RANBP2: variants seen among roughly 807,000 people sequenced by gnomAD.
RANBP2 encodes the protein RAN binding protein 2, also known as E3 SUMO-protein ligase RanBP2.
A neutral mutation model predicts 303.6 loss-of-function variants in RANBP2; 57 were observed. That is an observed-to-expected ratio of 0.19 (90% CI 0.15 to 0.23). The LOEUF is 0.23. Among genes scored for constraint, RANBP2 ranks in the 10% least tolerant of loss-of-function variants. RANBP2 has a pLI of 1.00. For synonymous variants in RANBP2, 1,167 were observed against 1,301.5 expected (o/e 0.90, Z 2.23); for missense variants, 3,138 against 3,780.8 (o/e 0.83, Z 4.46).
chr2:109,268,326 C>G, the RANBP2 span, among the ~76,000 whole-genome samples: 44 of 151,978 alleles, frequency 2.9e-4, no homozygotes, highest in Non-Finnish European at 4.6e-4. Flanking sequence ...GACCCCCTCA[C>G]CCACAAGGAC....
At chr2:108,950,790 C>A in the RANBP2 span, among the ~76,000 whole-genome samples, 2 of 152,258 alleles carry the variant, frequency 1.3e-5, no homozygotes, top group African/African-American at 4.8e-5. Flanking sequence ...TTGGAATCAA[C>A]ACTGTTGGCA....
the RANBP2 span, among the ~76,000 whole-genome samples, chr2:109,290,458 C>T: frequency 5.3e-5 from 8 of 152,250 alleles, no homozygotes; most frequent in Admixed American, 3.3e-4. Flanking sequence ...TTTCATTACC[C>T]GGAATCCTCA....
At chr2:109,227,135 G>A in the RANBP2 span, among the ~76,000 whole-genome samples, 1 of 152,116 alleles carries the variant, frequency 6.6e-6, no homozygotes, top group African/African-American at 2.4e-5. Flanking sequence ...GATTCACTCC[G>A]GCTGAGTGAA....
the RANBP2 span, among the ~76,000 whole-genome samples, chr2:109,173,806 C>T: frequency 6.6e-6 from 1 of 152,210 alleles, no homozygotes; most frequent in East Asian, 1.9e-4. Flanking sequence ...TGACCAAAGG[C>T]ATGCGATGGG....
the RANBP2 span, among the ~76,000 whole-genome samples, chr2:108,996,399 T>G: frequency 0.97 from 148,346 of 152,260 alleles, 72,387 homozygotes; most frequent in Middle Eastern, 1. Context: ...GCCTTCAAGG[T>G]GGCTGGTAAT....
chr2:109,081,203 C>G, the RANBP2 span, among the ~76,000 whole-genome samples: 1 of 152,180 alleles, frequency 6.6e-6, no homozygotes, highest in African/African-American at 2.4e-5. Flanking sequence ...TCACTTGTTT[C>G]TTTTTGCTTT....
chr2:109,563,653 A>G, the RANBP2 span, among the ~76,000 whole-genome samples: 69,020 of 151,984 alleles, frequency 0.45, 16,118 homozygotes, highest in African/African-American at 0.55. Context: ...TGAGCAAGGA[A>G]GGGTTCAGAT....
At chr2:109,532,536 C>T in the RANBP2 span, among the ~76,000 whole-genome samples, 1 of 151,982 alleles carries the variant, frequency 6.6e-6, no homozygotes, top group Admixed American at 6.5e-5. Flanking sequence ...AGCCTGAAAG[C>T]CACTGTGACA....
the RANBP2 span, among the ~76,000 whole-genome samples, chr2:109,396,273 TA>T: frequency 1.3e-5 from 2 of 152,124 alleles, no homozygotes; most frequent in Non-Finnish European, 2.9e-5. Context: ...AATACAGCCA[TA>T]AAATAGAGCA....
chr2:108,898,144 G>A, the RANBP2 span, among the ~76,000 whole-genome samples: 3 of 152,182 alleles, frequency 2.0e-5, no homozygotes, highest in African/African-American at 7.2e-5. Context: ...AAACATCACA[G>A]AAAAACTGTG....
At chr2:109,200,286 G>A in the RANBP2 span, among the ~76,000 whole-genome samples, 2 of 152,148 alleles carry the variant, frequency 1.3e-5, no homozygotes, top group South Asian at 2.1e-4. Flanking sequence ...CTCAGTGGGC[G>A]TCTGTTTGCT....
chr2:109,615,780 G>T, the RANBP2 span: 1 of 1,614,064 alleles, frequency 6.2e-7, no homozygotes, highest in Non-Finnish European at 8.5e-7. Context: ...ACTCTCACAC[G>T]CCCTAGAAGA....
chr2:109,484,393 G>C, the RANBP2 span, among the ~76,000 whole-genome samples: 2 of 152,064 alleles, frequency 1.3e-5, no homozygotes, highest in Non-Finnish European at 2.9e-5. Context: ...TACCTCACCA[G>C]GCACCTCGAC....
At chr2:109,552,749 C>A in the RANBP2 span, 1 of 205,336 alleles carries the variant, frequency 4.9e-6, no homozygotes. Flanking sequence ...GAATGAGGCA[C>A]CTAAAAATTG....
chr2:109,537,892 G>A, the RANBP2 span, among the ~76,000 whole-genome samples: 1 of 152,150 alleles, frequency 6.6e-6, no homozygotes, highest in Non-Finnish European at 1.5e-5. Flanking sequence ...AGGTTGCAGT[G>A]AGCCACGATT....
the RANBP2 span, among the ~76,000 whole-genome samples, chr2:109,280,396 G>T: frequency 6.6e-6 from 1 of 152,192 alleles, no homozygotes; most frequent in Non-Finnish European, 1.5e-5. Context: ...ACCTGAGTGC[G>T]CTCTTGGCTA....
chr2:109,333,264 T>A, the RANBP2 span, among the ~76,000 whole-genome samples: 10 of 152,240 alleles, frequency 6.6e-5, no homozygotes, highest in African/African-American at 2.4e-4. Context: ...TCAGGGTGAT[T>A]AGTTTCGCCT....
At chr2:109,374,818 C>G in the RANBP2 span, among the ~76,000 whole-genome samples, 1 of 152,260 alleles carries the variant, frequency 6.6e-6, no homozygotes, top group Admixed American at 6.5e-5. Flanking sequence ...GAGGGACTCT[C>G]ACCTCGCCTG....
At chr2:109,003,649 G>A in the RANBP2 span, among the ~76,000 whole-genome samples, 1 of 152,028 alleles carries the variant, frequency 6.6e-6, no homozygotes, top group Non-Finnish European at 1.5e-5. Context: ...GACTTCAAGT[G>A]ATCTGCCCAC....
Sources: allele counts gnomAD v4.1 joint callset (sites outside exome capture counted in the v4.1 genomes callset), GRCh38; gene constraint gnomAD v4.1.1; transcripts MANE v1.5; gene names NCBI Gene and HGNC (gene_info 2026-07-23, HGNC 2026-07-21).